The following NTNG1 variants were observed in gnomAD, a reference collection of about 807,000 sequenced individuals.
The protein encoded by NTNG1 is netrin G1, also known as netrin-G1.
NTNG1 carries 16 observed loss-of-function variants against 54.0 expected under a neutral mutation model. The ratio of observed to expected loss-of-function variants is 0.30; its 90% confidence interval spans 0.20 to 0.45. The LOEUF is 0.45. Ranked by LOEUF, NTNG1 falls within the 20% of genes least tolerant of loss-of-function variation. The pLI is 1.00. For missense variants in NTNG1, 530 were observed against 678.7 expected, an observed-to-expected ratio of 0.78 and a Z score of 2.43; for synonymous variants, 255 against 263.1, an observed-to-expected ratio of 0.97 and a Z score of 0.30.
chr1:107,443,949 G>T (rs966687107), intron 7 of NTNG1, among the ~76,000 whole-genome samples: 3 of 152,142 alleles, frequency 2.0e-5, no homozygotes, highest in Admixed American at 1.3e-4. Flanking sequence ...TGGGAAGGAA[G>T]TGCTCTTTAA....
chr1:107,212,598 G>T (rs1050839026), intron 2 of NTNG1, among the ~76,000 whole-genome samples: 12 of 152,174 alleles, frequency 7.9e-5, no homozygotes, highest in African/African-American at 2.9e-4. Flanking sequence ...GACACTTCTT[G>T]TTTTCTTAAA....
chr1:107,168,305 T>C (rs1655966185), intron 2 of NTNG1, among the ~76,000 whole-genome samples: 1 of 152,076 alleles, frequency 6.6e-6, no homozygotes, highest in South Asian at 2.1e-4. Context: ...TAGATTGTAA[T>C]AAAAATAATT....
intron 2 of NTNG1, among the ~76,000 whole-genome samples, chr1:107,177,382 T>G (rs770986698): frequency 7.2e-5 from 11 of 152,010 alleles, no homozygotes; most frequent in Admixed American, 1.3e-4. Flanking sequence ...TCACCCAGGC[T>G]AGAGTGCAGT....
At position 107,484,855 on chromosome 1, in the gene NTNG1, A is replaced by T. The variant is rs776281554; in HGVS notation, c.*4015A>T. Among the ~76,000 whole-genome samples, 1 of 152,212 alleles carries T rather than the reference A, an allele frequency of 6.6e-6. No homozygotes were observed. Among genetic ancestry groups the T allele is most frequent in the Non-Finnish European group, 1.5e-5 (1 of 68,026 alleles). On this transcript the variant is annotated 3_prime_UTR_variant, in exon 8 of 8. Transcript: ENST00000370068. ...TACTATATGGGAAATGGGTTGTTGT[A>T]CTTTACCGGTTGTTAAACACTAAAT...
chr1:107,457,935 T>A (rs866818650), intron 7 of NTNG1, among the ~76,000 whole-genome samples: 6 of 152,092 alleles, frequency 3.9e-5, no homozygotes, highest in Admixed American at 1.3e-4. Context: ...TAGTTAGAGA[T>A]ATTAGAGAAT....
chr1:107,222,247 G>A (rs1041761712), intron 2 of NTNG1, among the ~76,000 whole-genome samples: 23 of 152,012 alleles, frequency 1.5e-4, no homozygotes, highest in African/African-American at 4.1e-4. Flanking sequence ...TGTACTTGCC[G>A]CCTAACTACT....
intron 2 of NTNG1, among the ~76,000 whole-genome samples, chr1:107,293,342 T>C (rs1197781953): frequency 6.6e-6 from 1 of 152,200 alleles, no homozygotes; most frequent in Non-Finnish European, 1.5e-5. Flanking sequence ...CCCTTTGACA[T>C]ATTGATTCAT....
intron 7 of NTNG1, among the ~76,000 whole-genome samples, chr1:107,463,997 A>G (rs1476311070): frequency 6.6e-6 from 1 of 152,228 alleles, no homozygotes; most frequent in Non-Finnish European, 1.5e-5. Context: ...TTTACTAAAA[A>G]TTAAAAGCAA....
intron 2 of NTNG1, among the ~76,000 whole-genome samples, chr1:107,198,629 C>T (rs1277002723): frequency 1.3e-5 from 2 of 151,982 alleles, no homozygotes; most frequent in Middle Eastern, 3.4e-3. Context: ...AGAGAAAGAA[C>T]TTAGAACTGG....
chr1:107,481,436 A>G lies in NTNG1; in HGVS notation c.*596A>G, dbSNP rs1678707369. ...ACAGCCCCCTCTAAAAGCGCAAGCC[A>G]GTCATACCCCTGTATATCTTAGCAG... On this transcript the variant is annotated 3_prime_UTR_variant, in exon 8 of 8. Coordinates refer to ENST00000370068, the MANE Select transcript of NTNG1 (RefSeq NM_001113226.3). 6.5e-6 allele frequency: 1 copy of G among 153,138 alleles called. No individual in the cohort carries two copies. Among genetic ancestry groups the G allele is most frequent in the Admixed American group, 6.5e-5 (1 of 15,380 alleles). The allele number at this position is 153,138 out of a possible 1,614,324, so 9.5% of individuals were successfully genotyped here. A position where few individuals can be genotyped will look rare whatever the true frequency, so the allele number is the denominator to read the frequency against.
chr1:107,279,563 T>C (rs3125673), intron 2 of NTNG1, among the ~76,000 whole-genome samples: 116,512 of 152,170 alleles, frequency 0.77, 45,239 homozygotes, highest in East Asian at 0.9. Context: ...TCTGTTCCTG[T>C]AGAATGGCCT....
chr1:107,255,403 G>A (rs1389929202), intron 2 of NTNG1, among the ~76,000 whole-genome samples: 1 of 152,144 alleles, frequency 6.6e-6, no homozygotes, highest in East Asian at 1.9e-4. Context: ...GATGAGAGAT[G>A]GAGTGGTTGT....
chr1:107,180,701 G>A (rs750213544), intron 2 of NTNG1, among the ~76,000 whole-genome samples: 66 of 151,970 alleles, frequency 4.3e-4, no homozygotes, highest in Non-Finnish European at 8.1e-4. Flanking sequence ...TTAACTCAGA[G>A]GCTTATAATT....
intron 2 of NTNG1, among the ~76,000 whole-genome samples, chr1:107,153,748 C>A (rs779016928): frequency 6.6e-6 from 1 of 152,090 alleles, no homozygotes; most frequent in African/African-American, 2.4e-5. Context: ...TACAGCCTAT[C>A]GTCCACTACT....
Position 107,324,896 on chromosome 1 carries a change from G to T in NTNG1, c.861G>T (p.Ala287=). ...TACACTTGGCACGCTACTTTTACGC[G>T]ATCTCAGACATAAAGGTGCGAGGAA... is the stretch of plus-strand genomic sequence containing the variant. ...DELHLARYFY[A]ISDIKVRGRC... The change falls in exon 3 of 8, where the codon GCG becomes GCT. Residue 287 remains alanine, a synonymous_variant. Coordinates refer to ENST00000370068, the MANE Select transcript of NTNG1 (RefSeq NM_001113226.3). 6.2e-7 allele frequency: 1 copy of T among 1,612,132 alleles called. No individual in the cohort carries two copies. The highest frequency in any genetic ancestry group is 1.1e-5 in the South Asian group (1 of 90,988).
intron 2 of NTNG1, among the ~76,000 whole-genome samples, chr1:107,194,839 T>C (rs1396214512): frequency 6.6e-6 from 1 of 152,020 alleles, no homozygotes; most frequent in Non-Finnish European, 1.5e-5. Flanking sequence ...TAATTAAAAG[T>C]ATCTATGGCG....
intron 2 of NTNG1, among the ~76,000 whole-genome samples, chr1:107,185,467 TTTC>T (rs1657383864): frequency 6.6e-6 from 1 of 152,142 alleles, no homozygotes; most frequent in Admixed American, 6.6e-5. Flanking sequence ...CTGTGTGCCC[TTTC>T]TTCTTCTTAG....
intron 3 of NTNG1, among the ~76,000 whole-genome samples, chr1:107,377,967 G>T (rs1671404965): frequency 6.6e-6 from 1 of 152,206 alleles, no homozygotes; most frequent in Non-Finnish European, 1.5e-5. Context: ...CAGAACTAAG[G>T]TAGACTTTGC....
chr1:107,275,040 A>G (rs1390090266), intron 2 of NTNG1, among the ~76,000 whole-genome samples: 6 of 152,154 alleles, frequency 3.9e-5, no homozygotes, highest in Admixed American at 3.9e-4. Context: ...CCAGGGAAAC[A>G]GAACTAACAG....
Sources: gnomAD v4.1 joint callset for allele counts (sites outside exome capture counted in the v4.1 genomes callset) on GRCh38, gnomAD v4.1.1 for gene constraint, MANE v1.5 for transcripts, NCBI Gene and HGNC (gene_info 2026-07-23, HGNC 2026-07-21) for gene names.